The following CSMD1 variants were observed in gnomAD, a reference collection of about 807,000 sequenced individuals.
CSMD1 encodes CUB and sushi domain-containing protein 1.
In CSMD1, 213 loss-of-function variants were observed where a neutral mutation model predicts 417.5. The observed-to-expected ratio is 0.51, with a 90% confidence interval of 0.46 to 0.57. The LOEUF is 0.57. Ranked by LOEUF, CSMD1 falls within the 20% of genes least tolerant of loss-of-function variation. The probability of loss-of-function intolerance (pLI) is 0.00; values close to 1 mark genes in which losing one functional copy is unlikely to be tolerated. For synonymous variants in CSMD1, 2,862 were observed against 1,736.8 expected (o/e 1.65, Z -16.11); for missense variants, 6,923 against 4,529.7 (o/e 1.53, Z -15.17).
chr8:4,723,172 T>C (rs988577344), intron 1 of CSMD1, among the ~76,000 whole-genome samples: 1 of 152,154 alleles, frequency 6.6e-6, no homozygotes, highest in African/African-American at 2.4e-5. Context: ...TTCTATTATA[T>C]GGTCTCATGG....
In CSMD1 at chr8:3,660,197, G is replaced by C. The variant is rs544468816; in HGVS notation, c.1010-43400C>G. Among the ~76,000 whole-genome samples the C allele has an allele frequency of 2.0e-5, 3 of 152,220 alleles. No homozygotes were observed. The South Asian group carries it at 6.2e-4, about 32-fold the overall frequency. ...CTGCAGTGGTTTAGAGTGTGGGTTTGGGAGCCCGCAATTATCTACATTTGA... is the reference window on the plus strand; with the variant it reads ...CTGCAGTGGTTTAGAGTGTGGGTTTCGGAGCCCGCAATTATCTACATTTGA... On this transcript the variant is annotated intron_variant, in intron 7 of 69. Transcript: ENST00000635120.
At chr8:3,151,274 T>C in intron 40 of CSMD1, 123 bp downstream of exon 40, 2 of 638,642 alleles carry the variant, frequency 3.1e-6, no homozygotes, top group Non-Finnish European at 5.5e-6. Flanking sequence ...TTTAAATCTG[T>C]ACGCCACTTT....
At chr8:3,960,359 C>G (rs1023930307) in intron 5 of CSMD1, among the ~76,000 whole-genome samples, 1 of 152,154 alleles carries the variant, frequency 6.6e-6, no homozygotes. Context: ...CTTTCCTCAT[C>G]ACGCTACTAC....
intron 39 of CSMD1, among the ~76,000 whole-genome samples, chr8:3,152,164 T>C (rs926537574): frequency 2.0e-5 from 3 of 152,230 alleles, no homozygotes; most frequent in East Asian, 1.9e-4. Flanking sequence ...GGAAATCTTA[T>C]GCTGTGAGAG....
intron 10 of CSMD1, among the ~76,000 whole-genome samples, chr8:3,506,788 C>T (rs1020441335): frequency 6.6e-6 from 1 of 152,130 alleles, no homozygotes. Flanking sequence ...TGATTTACTT[C>T]CTCCACACCT....
intron 3 of CSMD1, among the ~76,000 whole-genome samples, chr8:4,037,414 T>A (rs567776913): frequency 6.6e-6 from 1 of 152,314 alleles, no homozygotes; most frequent in East Asian, 1.9e-4. Flanking sequence ...TTATAGAGAA[T>A]AAAGAGGATG....
intron 6 of CSMD1, among the ~76,000 whole-genome samples, chr8:3,710,726 G>A (rs1296717141): frequency 2.6e-5 from 4 of 152,132 alleles, no homozygotes; most frequent in Non-Finnish European, 5.9e-5. Context: ...ACTTCAGGAG[G>A]CATCCTCCAA....
intron 1 of CSMD1, among the ~76,000 whole-genome samples, chr8:4,878,979 G>C (rs1209149049): frequency 6.6e-6 from 1 of 151,950 alleles, no homozygotes; most frequent in Non-Finnish European, 1.5e-5. Flanking sequence ...AGGGAGAGGG[G>C]TCATGGGAGA....
chr8:3,872,973 T>C (rs1230177574), intron 5 of CSMD1, among the ~76,000 whole-genome samples: 1 of 151,972 alleles, frequency 6.6e-6, no homozygotes, highest in Non-Finnish European at 1.5e-5. Flanking sequence ...CACTGATCAT[T>C]AGAGAAACGC....
chr8:4,546,637 C>T (rs529015381), intron 2 of CSMD1, among the ~76,000 whole-genome samples: 7 of 152,168 alleles, frequency 4.6e-5, no homozygotes, highest in Non-Finnish European at 1.0e-4. Context: ...GGACTTTGGC[C>T]TTGGCTGAGT....
intron 1 of CSMD1, among the ~76,000 whole-genome samples, chr8:4,992,786 C>T (rs1277840082): frequency 6.6e-6 from 1 of 152,214 alleles, no homozygotes; most frequent in Non-Finnish European, 1.5e-5. Flanking sequence ...CTGAGCCGGG[C>T]GGGTGGGCAG....
At chr8:3,351,590 C>G (rs1426144716) in intron 21 of CSMD1, among the ~76,000 whole-genome samples, 5 of 117,816 alleles carry the variant, frequency 4.2e-5, no homozygotes, top group South Asian at 2.8e-4. Flanking sequence ...CAGTGTGAGA[C>G]TCTGTTTCAA....
At chr8:4,810,824 G>C (rs1180632327) in intron 1 of CSMD1, among the ~76,000 whole-genome samples, 5 of 152,074 alleles carry the variant, frequency 3.3e-5, no homozygotes, top group Non-Finnish European at 7.4e-5. Flanking sequence ...ACGAAGACGA[G>C]AACTTTATAA....
At chr8:3,685,970 C>T (rs1027801757) in intron 7 of CSMD1, among the ~76,000 whole-genome samples, 4 of 151,976 alleles carry the variant, frequency 2.6e-5, no homozygotes, top group African/African-American at 7.3e-5. Flanking sequence ...TCACCCTTTC[C>T]CATTTTGCTA....
intron 2 of CSMD1, among the ~76,000 whole-genome samples, chr8:4,439,487 G>A (rs949166592): frequency 6.6e-6 from 1 of 151,878 alleles, no homozygotes; most frequent in African/African-American, 2.4e-5. Context: ...TCTTCCGTTT[G>A]ACGAACAAGC....
chr8:4,962,123 T>C (rs1199047858), intron 1 of CSMD1, among the ~76,000 whole-genome samples: 1 of 151,764 alleles, frequency 6.6e-6, no homozygotes, highest in Admixed American at 6.6e-5. Context: ...TGTTTTTTTT[T>C]TGTATTGGAG....
rs1181400192 is a variant in CSMD1 at position 4,947,687 on chromosome 8, T to C, written c.85+46645A>G. Among the ~76,000 whole-genome samples the C allele has an allele frequency of 2.6e-5, 4 of 152,240 alleles. No homozygotes were observed. The East Asian group carries it at 7.7e-4, about 29-fold the overall frequency. ...GTTGATCATTCTTGGCATTGAAAAA[T>C]AAATTCATCATAAATATATTTTGTC... is the stretch of plus-strand genomic sequence containing the variant. On this transcript the variant is annotated intron_variant, in intron 1 of 69. Coordinates refer to ENST00000635120, the MANE Select transcript of CSMD1 (RefSeq NM_033225.6).
chr8:4,921,491 G>A (rs1257886311), intron 1 of CSMD1, among the ~76,000 whole-genome samples: 1 of 152,190 alleles, frequency 6.6e-6, no homozygotes, highest in Non-Finnish European at 1.5e-5. Context: ...AGTATTCTCT[G>A]TATGTAAGTT....
At chr8:4,259,265 C>A (rs925331055) in intron 3 of CSMD1, among the ~76,000 whole-genome samples, 1 of 152,110 alleles carries the variant, frequency 6.6e-6, no homozygotes, top group Non-Finnish European at 1.5e-5. Flanking sequence ...AAACAAGCAA[C>A]CCCCCTCCCT....
Sources: allele counts gnomAD v4.1 joint callset (sites outside exome capture counted in the v4.1 genomes callset), GRCh38; gene constraint gnomAD v4.1.1; transcripts MANE v1.5; gene names NCBI Gene and HGNC (gene_info 2026-07-23, HGNC 2026-07-21).